The following MPP4 variants were observed in gnomAD, a reference collection of about 807,000 sequenced individuals.
MPP4 encodes MAGUK p55 subfamily member 4.
A neutral mutation model predicts 98.3 loss-of-function variants in MPP4; 91 were observed. That is an observed-to-expected ratio of 0.93 (90% CI 0.78 to 1.10). MPP4 has a LOEUF of 1.10. Among genes scored for constraint, MPP4 ranks in the 50% least tolerant of loss-of-function variants. MPP4 has a pLI of 0.00. For missense variants in MPP4, 744 were observed against 792.9 expected, an observed-to-expected ratio of 0.94 and a Z score of 0.74; for synonymous variants, 261 against 271.8, an observed-to-expected ratio of 0.96 and a Z score of 0.39.
intron 10 of MPP4, 76 bp downstream of exon 10, chr2:201,680,762 G>A (rs1688642207): frequency 1.5e-6 from 2 of 1,335,976 alleles, no homozygotes; most frequent in Non-Finnish European, 2.1e-6. Flanking sequence ...CTCATCTTGA[G>A]GTAACAGAAA....
At position 201,644,982 on chromosome 2, in the gene MPP4, A is replaced by G; in HGVS notation, c.*228T>C. Reference sequence around the variant, plus strand: ...CATACTCAGTGACTTAACATTATTCATATTTCTACCACAGCTGCATATGAG... The same window carrying G: ...CATACTCAGTGACTTAACATTATTCGTATTTCTACCACAGCTGCATATGAG... On this transcript the variant is annotated 3_prime_UTR_variant, in exon 22 of 22. Transcript: ENST00000409474. 1 of 351,782 alleles carries G rather than the reference A, an allele frequency of 2.8e-6. No homozygotes were observed. 21.8% of individuals were successfully genotyped at this position (351,782 alleles called of 1,614,324 possible). A position where few individuals can be genotyped will look rare whatever the true frequency, so the allele number is the denominator to read the frequency against.
chr2:201,688,026 G>T (rs1014437902), intron 4 of MPP4, among the ~76,000 whole-genome samples: 1 of 152,048 alleles, frequency 6.6e-6, no homozygotes, highest in Non-Finnish European at 1.5e-5. Context: ...AGTTTACAAA[G>T]GTTTACCTCC....
intron 14 of MPP4, among the ~76,000 whole-genome samples, chr2:201,663,033 T>C (rs1161124752): frequency 6.6e-6 from 1 of 152,226 alleles, no homozygotes; most frequent in Non-Finnish European, 1.5e-5. Flanking sequence ...AGTATAGATA[T>C]ACTTTCCAGT....
intron 11 of MPP4, among the ~76,000 whole-genome samples, chr2:201,671,732 A>T (rs755722024): frequency 6.6e-6 from 1 of 152,246 alleles, no homozygotes; most frequent in Non-Finnish European, 1.5e-5. Flanking sequence ...CGAATAGAGA[A>T]GCACCCAGAT....
intron 4 of MPP4, among the ~76,000 whole-genome samples, chr2:201,689,021 A>C (rs1460252539): frequency 6.6e-6 from 1 of 152,148 alleles, no homozygotes. Flanking sequence ...GATTGTGTTC[A>C]GCTATGTAAG....
chr2:201,693,658 G>GA (rs1014735612), intron 2 of MPP4, among the ~76,000 whole-genome samples: 1 of 152,010 alleles, frequency 6.6e-6, no homozygotes, highest in Non-Finnish European at 1.5e-5. Context: ...TCAGGTAAGG[G>GA]AAAAAAAGGT....
At chr2:201,694,083 C>T (rs1456728160) in intron 1 of MPP4, 29 bp from the exon 2 acceptor site, 4 of 1,580,970 alleles carry the variant, frequency 2.5e-6, no homozygotes, top group South Asian at 1.2e-5. Context: ...AGCATTTCCT[C>T]AGCAAGCCAG....
At chr2:201,661,078 G>A (rs1373957234) in intron 14 of MPP4, among the ~76,000 whole-genome samples, 1 of 151,932 alleles carries the variant, frequency 6.6e-6, no homozygotes, top group Non-Finnish European at 1.5e-5. Flanking sequence ...GAGCCACCAC[G>A]CCTGGCTAAT....
At chr2:201,650,328 T>G in intron 18 of MPP4, 163 bp from the exon 19 acceptor site, 7 of 985,444 alleles carry the variant, frequency 7.1e-6, no homozygotes, top group Non-Finnish European at 8.4e-6. Flanking sequence ...TGATAAGTTC[T>G]CGTATCAAAA....
At chr2:201,659,042 C>T (rs556046841) in intron 15 of MPP4, among the ~76,000 whole-genome samples, 48 of 152,086 alleles carry the variant, frequency 3.2e-4, no homozygotes, top group African/African-American at 8.7e-4. Flanking sequence ...ATTCCAGGCA[C>T]GCACCACCAT....
At chr2:201,677,248 G>A (rs1227133055) in intron 10 of MPP4, among the ~76,000 whole-genome samples, 3 of 152,066 alleles carry the variant, frequency 2.0e-5, no homozygotes, top group Non-Finnish European at 4.4e-5. Flanking sequence ...CTTACAAAAT[G>A]CTATCCTGTA....
At chr2:201,664,618 GT>G (rs1208166404) in intron 13 of MPP4, among the ~76,000 whole-genome samples, 3 of 152,172 alleles carry the variant, frequency 2.0e-5, no homozygotes, top group African/African-American at 7.2e-5. Context: ...TTCCGCATTA[GT>G]TAAAACAACT....
At chr2:201,666,511 A>AGC in intron 12 of MPP4, 139 bp from the exon 13 acceptor site, 1 of 582,754 alleles carries the variant, frequency 1.7e-6, no homozygotes, top group Non-Finnish European at 2.9e-6. Flanking sequence ...ACCTGAGATC[A>AGC]AGAGTTCGAG....
chr2:201,681,261 G>A (rs1914258), intron 9 of MPP4, among the ~76,000 whole-genome samples: 1 of 152,018 alleles, frequency 6.6e-6, no homozygotes, highest in Non-Finnish European at 1.5e-5. Context: ...GAGAAGTTTA[G>A]GCTCAAATGT....
At chr2:201,666,705 CA>C in intron 12 of MPP4, 3 of 167,654 alleles carry the variant, frequency 1.8e-5, no homozygotes, top group Non-Finnish European at 3.8e-5. Context: ...GCCTGGGCAA[CA>C]AGAGCGAAAC....
At position 201,692,936 on chromosome 2, in the gene MPP4, T is replaced by G. The variant is rs779376582; in HGVS notation, c.173A>C (p.His58Pro). 2 of 1,610,578 alleles carry G rather than the reference T, an allele frequency of 1.2e-6. No homozygotes were observed. The highest frequency in any genetic ancestry group is 1.7e-5 in the Admixed American group (1 of 59,570). ...NGVCLLYDLL[H>P]SPWLQALLKI... ...TAGCAGAGCCTGAAGCCACGGCGAG[T>G]GGAGGAGATCGTACAAGAGACACAC... Residue 58 changes from histidine (H) to proline (P), a missense_variant, in exon 3 of 22, where the codon CAC (histidine) becomes CCC (proline). Physicochemically the swap from His to Pro is moderately conservative, Grantham distance 77. Transcript: ENST00000409474.
chr2:201,679,621 T>A (rs1235724802), intron 10 of MPP4, among the ~76,000 whole-genome samples: 1 of 152,198 alleles, frequency 6.6e-6, no homozygotes, highest in East Asian at 1.9e-4. Flanking sequence ...TCTTGAATAC[T>A]AAAGCATATC....
intron 18 of MPP4, chr2:201,650,555 A>G: frequency 1.0e-6 from 1 of 985,392 alleles, no homozygotes; most frequent in Non-Finnish European, 1.2e-6. Context: ...ATCTCATTTC[A>G]TCTTCCACAC....
intron 11 of MPP4, among the ~76,000 whole-genome samples, chr2:201,672,763 C>T (rs1194854629): frequency 6.6e-5 from 2 of 30,348 alleles, no homozygotes; most frequent in African/African-American, 1.7e-4. Context: ...TAATTAATAG[C>T]CTACCAACCA....
Sources: allele counts gnomAD v4.1 joint callset (sites outside exome capture counted in the v4.1 genomes callset), GRCh38; gene constraint gnomAD v4.1.1; transcripts MANE v1.5; gene names NCBI Gene and HGNC (gene_info 2026-07-23, HGNC 2026-07-21).